The following PALM variants were observed in gnomAD, a reference collection of about 807,000 sequenced individuals.
The protein encoded by PALM is paralemmin.
PALM carries 18 observed loss-of-function variants against 30.7 expected under a neutral mutation model. That is an observed-to-expected ratio of 0.59 (90% CI 0.41 to 0.87). The LOEUF is 0.87. Among genes scored for constraint, PALM ranks in the 40% least tolerant of loss-of-function variants. The pLI, the probability that PALM is intolerant of heterozygous loss-of-function variation, is 0.00. For synonymous variants in PALM, 286 were observed against 242.8 expected (o/e 1.18, Z -1.66); for missense variants, 529 against 555.4 (o/e 0.95, Z 0.48).
chr19:717,232 T>C (rs2032294920), intron 1 of PALM, among the ~76,000 whole-genome samples: 1 of 152,108 alleles, frequency 6.6e-6, no homozygotes, highest in Non-Finnish European at 1.5e-5. Flanking sequence ...CCAGCAGAGT[T>C]GTGTATCTTT....
At chr19:731,699 C>A (rs113256281) in intron 5 of PALM, among the ~76,000 whole-genome samples, 5,994 of 152,120 alleles carry the variant, frequency 0.039, 399 homozygotes, top group East Asian at 0.35. Flanking sequence ...TTTTGAGACT[C>A]GTTCTGTTGC....
chr19:730,407 T>G (rs1188953468), intron 4 of PALM, among the ~76,000 whole-genome samples: 1 of 152,248 alleles, frequency 6.6e-6, no homozygotes, highest in Non-Finnish European at 1.5e-5. Flanking sequence ...TTTGTTTTCC[T>G]GGATCTGCTT....
Position 736,007 on chromosome 19 carries a change from C to T in PALM, c.443-12C>T, listed in dbSNP as rs946700125. 1.9e-6 allele frequency: 3 copies of T among 1,606,564 alleles called. No individual in the cohort carries two copies. The highest frequency in any genetic ancestry group is 2.6e-6 in the Non-Finnish European group (3 of 1,176,028). ...ACCCTCATCTCTCTCTCCGCTTCCA[C>T]CTCCCGTGCAGACAAGCGAGTCTCC... On this transcript the variant is annotated splice_polypyrimidine_tract_variant and intron_variant, in intron 6 of 8. Coordinates refer to ENST00000338448, the MANE Select transcript of PALM (RefSeq NM_002579.3).
In PALM at chr19:720,671, C is replaced by T. The variant is rs576426358; in HGVS notation, c.6-5467C>T. Among the ~76,000 whole-genome samples the T allele has an allele frequency of 5.9e-5, 9 of 151,920 alleles. No individual in the cohort carries two copies. In the South Asian group the frequency reaches 1.9e-3, roughly 32 times the overall value. ...CAGGGGGGCGCGTCCTGGGGAGGGG[C>T]CTGCGCCCTGGGGCTGCTTCCCGCG... On this transcript the variant is annotated intron_variant, in intron 1 of 8. Coordinates refer to ENST00000338448, the MANE Select transcript of PALM (RefSeq NM_002579.3).
At chr19:712,708 C>T (rs902688042) in intron 1 of PALM, among the ~76,000 whole-genome samples, 12 of 147,790 alleles carry the variant, frequency 8.1e-5, no homozygotes, top group Non-Finnish European at 1.2e-4. Context: ...CAGAGTCTCT[C>T]TCTGTCACCC....
chr19:741,645 G>T (rs2033199680), intron 8 of PALM, among the ~76,000 whole-genome samples: 1 of 152,018 alleles, frequency 6.6e-6, no homozygotes, highest in Admixed American at 6.6e-5. Context: ...TTGCCTGGAG[G>T]CAGGGGGACA....
Position 740,489 on chromosome 19 carries a change from A to G in PALM, c.634+6A>G. ...CTACGAGGACGAGACCAAAGGTACGAGCACCCCGGCCCCTGCCCTCCCTCC... is the reference window on the plus strand; with the variant it reads ...CTACGAGGACGAGACCAAAGGTACGGGCACCCCGGCCCCTGCCCTCCCTCC... On this transcript the variant is annotated splice_donor_region_variant and intron_variant, in intron 8 of 8. Coordinates refer to ENST00000338448, the MANE Select transcript of PALM (RefSeq NM_002579.3). 1 of 1,549,312 alleles carries G rather than the reference A, an allele frequency of 6.5e-7. No homozygotes were observed. The highest frequency in any genetic ancestry group is 8.7e-7 in the Non-Finnish European group (1 of 1,145,732).
chr19:715,230 T>G (rs2032219962), intron 1 of PALM, among the ~76,000 whole-genome samples: 1 of 151,970 alleles, frequency 6.6e-6, no homozygotes, highest in Admixed American at 6.6e-5. Context: ...ATTGCACCAC[T>G]GCACTCCAGC....
At chr19:725,867 C>T (rs112529251) in intron 1 of PALM, among the ~76,000 whole-genome samples, 254 of 152,264 alleles carry the variant, frequency 1.7e-3, no homozygotes, top group African/African-American at 5.6e-3. Context: ...TGGTGAACTC[C>T]TATGTATCCT....
In PALM at chr19:747,065, T is replaced by A; in HGVS notation, c.*251T>A. 2 of 453,324 alleles carry A rather than the reference T, an allele frequency of 4.4e-6. No individual in the cohort carries two copies. The highest frequency in any genetic ancestry group is 3.9e-6 in the Non-Finnish European group (1 of 254,136). 28.1% of individuals were successfully genotyped at this position (453,324 alleles called of 1,614,324 possible). On this transcript the variant is annotated 3_prime_UTR_variant, in exon 9 of 9. Coordinates refer to ENST00000338448, the MANE Select transcript of PALM (RefSeq NM_002579.3). ...TAGGAGAGAGACAGGACAGACCCGC[T>A]TTTCCCGAGACAAGGACCCCCCATG...
intron 1 of PALM, among the ~76,000 whole-genome samples, chr19:714,475 C>T (rs1381178263): frequency 1.3e-5 from 2 of 150,320 alleles, no homozygotes; most frequent in Non-Finnish European, 3.0e-5. Context: ...TCTCCTGCCT[C>T]AGCCTCCCGA....
intron 5 of PALM, among the ~76,000 whole-genome samples, chr19:733,510 G>T (rs2032931738): frequency 6.6e-6 from 1 of 152,194 alleles, no homozygotes. Flanking sequence ...GACCATGCAG[G>T]GCAGAACGGG....
chr19:718,136 C>T (rs1448611776), intron 1 of PALM, among the ~76,000 whole-genome samples: 1 of 152,010 alleles, frequency 6.6e-6, no homozygotes, highest in Non-Finnish European at 1.5e-5. Flanking sequence ...GAGCCGAGAT[C>T]GCGCCACCGC....
At chr19:719,547 C>G in intron 1 of PALM, 2 of 985,668 alleles carry the variant, frequency 2.0e-6, no homozygotes, top group Non-Finnish European at 2.4e-6. Context: ...AGACCCAGCA[C>G]CTGCCCCGGG....
At chr19:739,336 C>T (rs1480061396) in intron 7 of PALM, among the ~76,000 whole-genome samples, 2 of 152,046 alleles carry the variant, frequency 1.3e-5, no homozygotes, top group African/African-American at 4.8e-5. Context: ...CAGTCTCCGC[C>T]GTGACCCCGG....
chr19:734,542 A>G (rs147237885), intron 6 of PALM: 8,601 of 282,252 alleles, frequency 0.03, 245 homozygotes, highest in South Asian at 0.074. Context: ...TGTCTCTGCC[A>G]AACATAAAAA....
intron 1 of PALM, among the ~76,000 whole-genome samples, chr19:711,005 T>C (rs937216726): frequency 9.2e-5 from 14 of 152,252 alleles, no homozygotes; most frequent in African/African-American, 3.1e-4. Context: ...TCCTCCCGTT[T>C]CCACAGATTT....
chr19:711,773 G>T (rs982907262), intron 1 of PALM, among the ~76,000 whole-genome samples: 2 of 152,110 alleles, frequency 1.3e-5, no homozygotes, highest in Non-Finnish European at 2.9e-5. Flanking sequence ...GACAGATACT[G>T]TCCAGGAGGT....
chr19:730,234 G>T (rs534437213), intron 4 of PALM, among the ~76,000 whole-genome samples: 1,578 of 152,280 alleles, frequency 0.01, 16 homozygotes, highest in Non-Finnish European at 0.014. Flanking sequence ...CTTCTGGTTG[G>T]AGGGGACACA....
Sources: allele counts gnomAD v4.1 joint callset (sites outside exome capture counted in the v4.1 genomes callset), GRCh38; gene constraint gnomAD v4.1.1; transcripts MANE v1.5; gene names NCBI Gene and HGNC (gene_info 2026-07-23, HGNC 2026-07-21).